Variants in NRCAM observed in about 807,000 individuals in gnomAD.
NRCAM encodes the protein neuronal cell adhesion molecule, also known as NgCAM-related cell adhesion molecule.
NRCAM carries 83 observed loss-of-function variants against 156.5 expected under a neutral mutation model. The observed-to-expected ratio is 0.53, with a 90% CI of 0.44 to 0.64. The LOEUF (loss-of-function observed/expected upper bound fraction) is 0.64. Among genes scored for constraint, NRCAM ranks in the 30% least tolerant of loss-of-function variants. The probability of loss-of-function intolerance (pLI) is 0.00; values close to 1 mark genes in which losing one functional copy is unlikely to be tolerated. For synonymous variants in NRCAM, 538 were observed against 563.9 expected, an observed-to-expected ratio of 0.95 and a Z score of 0.65; for missense variants, 1,417 against 1,597.3, an observed-to-expected ratio of 0.89 and a Z score of 1.92.
chr7:108,233,029 T>G (rs2094508751), intron 6 of NRCAM, among the ~76,000 whole-genome samples: 1 of 152,132 alleles, frequency 6.6e-6, no homozygotes. Context: ...GAGACATCAG[T>G]TCCAGAGTGT....
At chr7:108,367,217 C>T (rs1261015601) in intron 2 of NRCAM, among the ~76,000 whole-genome samples, 1 of 152,068 alleles carries the variant, frequency 6.6e-6, no homozygotes, top group African/African-American at 2.4e-5. Context: ...ATATTTTGAC[C>T]ACTATATCAA....
chr7:108,252,264 TG>T (rs2096393939), intron 3 of NRCAM, among the ~76,000 whole-genome samples: 1 of 152,184 alleles, frequency 6.6e-6, no homozygotes, highest in Non-Finnish European at 1.5e-5. Flanking sequence ...CAGGCAAAGT[TG>T]GGTGGTTTCT....
chr7:108,396,844 T>C (rs961354167), intron 2 of NRCAM, among the ~76,000 whole-genome samples: 1 of 152,208 alleles, frequency 6.6e-6, no homozygotes, highest in Admixed American at 6.5e-5. Context: ...TTTGATTCTG[T>C]TCCAATCTTT....
At chr7:108,357,896 C>T (rs1327742636) in intron 2 of NRCAM, among the ~76,000 whole-genome samples, 1 of 152,140 alleles carries the variant, frequency 6.6e-6, no homozygotes, top group East Asian at 1.9e-4. Flanking sequence ...AAACATTACT[C>T]CTTTGGCCAT....
At chr7:108,344,252 C>T (rs956416145) in intron 2 of NRCAM, among the ~76,000 whole-genome samples, 11 of 152,114 alleles carry the variant, frequency 7.2e-5, no homozygotes, top group Admixed American at 5.9e-4. Flanking sequence ...CCTTTAAACA[C>T]GGGGCTTGCA....
At chr7:108,453,970 C>A (rs535766659) in intron 1 of NRCAM, among the ~76,000 whole-genome samples, 18 of 152,136 alleles carry the variant, frequency 1.2e-4, no homozygotes, top group African/African-American at 4.3e-4. Flanking sequence ...AAACCGTGTA[C>A]AAAGGACATT....
intron 1 of NRCAM, among the ~76,000 whole-genome samples, chr7:108,400,598 C>T (rs1367207931): frequency 2.0e-5 from 3 of 152,192 alleles, no homozygotes; most frequent in African/African-American, 7.2e-5. Context: ...ACCCCTCTAG[C>T]TCTAACATTC....
intron 2 of NRCAM, among the ~76,000 whole-genome samples, chr7:108,351,220 T>A (rs73203536): frequency 1.3e-5 from 2 of 152,186 alleles, no homozygotes; most frequent in South Asian, 2.1e-4. Flanking sequence ...TTCTGCCTTC[T>A]GCCAGGGGAT....
chr7:108,327,588 CAT>C (rs2099082893), intron 2 of NRCAM, among the ~76,000 whole-genome samples: 1 of 152,054 alleles, frequency 6.6e-6, no homozygotes, highest in Non-Finnish European at 1.5e-5. Flanking sequence ...ATAATCACAC[CAT>C]GTTTCATTTC....
At chr7:108,445,836 T>A (rs1177333979) in intron 1 of NRCAM, among the ~76,000 whole-genome samples, 3 of 152,158 alleles carry the variant, frequency 2.0e-5, no homozygotes, top group Non-Finnish European at 4.4e-5. Context: ...ACCCACTAAC[T>A]AGTTACGAAA....
intron 23 of NRCAM, among the ~76,000 whole-genome samples, 170 bp downstream of exon 23, chr7:108,182,525 T>C (rs1480037057): frequency 6.6e-6 from 1 of 152,240 alleles, no homozygotes; most frequent in Non-Finnish European, 1.5e-5. Flanking sequence ...GCAATCACCT[T>C]GAACGTTCTG....
chr7:108,230,725 C>CTTTTT (rs35174617), intron 8 of NRCAM, among the ~76,000 whole-genome samples: 1 of 147,792 alleles, frequency 6.8e-6, no homozygotes. Flanking sequence ...CAAAACTCTG[C>CTTTTT]TTTTTTTTTT....
At chr7:108,453,986 C>T (rs1052488857) in intron 1 of NRCAM, among the ~76,000 whole-genome samples, 8 of 152,054 alleles carry the variant, frequency 5.3e-5, no homozygotes, top group Non-Finnish European at 1.2e-4. Flanking sequence ...ACATTCAGGG[C>T]TGGGGACCTT....
chr7:108,338,107 C>T (rs551648891), intron 2 of NRCAM, among the ~76,000 whole-genome samples: 5 of 152,272 alleles, frequency 3.3e-5, no homozygotes, highest in African/African-American at 7.2e-5. Flanking sequence ...AGCCAAGGGC[C>T]GACTAGAGGC....
chr7:108,153,379 GA>G (rs1350647174), intron 32 of NRCAM, among the ~76,000 whole-genome samples: 1 of 151,754 alleles, frequency 6.6e-6, no homozygotes, highest in East Asian at 1.9e-4. Context: ...AGAGGTATAT[GA>G]AAAAACTCAA....
chr7:108,379,654 T>C (rs1186202989), intron 2 of NRCAM, among the ~76,000 whole-genome samples: 1 of 152,008 alleles, frequency 6.6e-6, no homozygotes, highest in African/African-American at 2.4e-5. Flanking sequence ...TCACAAAGGA[T>C]AAGATGTCAC....
At position 108,347,450 on chromosome 7, in the gene NRCAM, A is replaced by G. The variant is rs1034410496; in HGVS notation, c.-173-34719T>C. 5.3e-5 allele frequency among the ~76,000 whole-genome samples: 8 copies of G among 152,190 alleles called. No individual in the cohort carries two copies. In the East Asian group the frequency reaches 1.2e-3, roughly 22 times the overall value. Reference sequence around the variant, plus strand: ...GAGCAGTAAAAGAAGCTATGGAGATAAACTCTGTCTAGGCTAATCAGAATT... The same window carrying G: ...GAGCAGTAAAAGAAGCTATGGAGATGAACTCTGTCTAGGCTAATCAGAATT... On this transcript the variant is annotated intron_variant, in intron 2 of 32. Transcript: ENST00000379028.
chr7:108,331,561 T>A (rs2099127273), intron 2 of NRCAM, among the ~76,000 whole-genome samples: 1 of 152,198 alleles, frequency 6.6e-6, no homozygotes, highest in Admixed American at 6.5e-5. Context: ...TATAGTACCT[T>A]CTTTGGAAGG....
At chr7:108,232,949 T>C (rs1323945098) in intron 6 of NRCAM, among the ~76,000 whole-genome samples, 1 of 152,192 alleles carries the variant, frequency 6.6e-6, no homozygotes, top group African/African-American at 2.4e-5. Context: ...GTACTATTTA[T>C]ATATGATGAA....
Sources: gnomAD v4.1 joint callset for allele counts (sites outside exome capture counted in the v4.1 genomes callset) on GRCh38, gnomAD v4.1.1 for gene constraint, MANE v1.5 for transcripts, NCBI Gene and HGNC (gene_info 2026-07-23, HGNC 2026-07-21) for gene names.